ALDH1L1: variants seen among roughly 807,000 people sequenced by gnomAD.
ALDH1L1 encodes cytosolic 10-formyltetrahydrofolate dehydrogenase.
Under a neutral mutation model 101.1 loss-of-function variants are expected in ALDH1L1, and 68 were observed. That is an observed-to-expected ratio of 0.67 (90% CI 0.55 to 0.82). ALDH1L1 has a LOEUF of 0.82. Ranked by LOEUF, ALDH1L1 falls within the 40% of genes least tolerant of loss-of-function variation. ALDH1L1 has a pLI of 0.00. For synonymous variants in ALDH1L1, 486 were observed against 470.8 expected (o/e 1.03, Z -0.42); for missense variants, 1,087 against 1,172.7 (o/e 0.93, Z 1.07).
chr3:126,166,683 C>T (rs2081173987), intron 1 of ALDH1L1, among the ~76,000 whole-genome samples: 1 of 151,906 alleles, frequency 6.6e-6, no homozygotes, highest in Admixed American at 6.6e-5. Flanking sequence ...CCCAAAAATG[C>T]TAATAGTTAA....
chr3:126,166,041 G>A (rs752788053), intron 1 of ALDH1L1, among the ~76,000 whole-genome samples: 9 of 151,844 alleles, frequency 5.9e-5, no homozygotes, highest in East Asian at 1.9e-4. Context: ...CTATCTTCTC[G>A]ATGAAGCCAT....
intron 16 of ALDH1L1, among the ~76,000 whole-genome samples, chr3:126,120,675 G>T (rs955034364): frequency 3.9e-5 from 6 of 152,132 alleles, no homozygotes; most frequent in African/African-American, 1.4e-4. Flanking sequence ...TATTAGTAGT[G>T]GAGGGCTGTG....
At chr3:126,156,642 T>G (rs2080911557) in intron 4 of ALDH1L1, 1 of 152,276 alleles carries the variant, frequency 6.6e-6, no homozygotes, top group African/African-American at 2.4e-5. Context: ...CCACCCTGCC[T>G]CTCAGCAGTA....
intron 15 of ALDH1L1, among the ~76,000 whole-genome samples, 198 bp downstream of exon 15, chr3:126,125,418 T>A (rs763001943): frequency 7.2e-5 from 11 of 151,852 alleles, no homozygotes; most frequent in Non-Finnish European, 1.2e-4. Flanking sequence ...TGAAAAAGAG[T>A]CTGCTTTGGA....
chr3:126,131,436 C>A lies in ALDH1L1; in HGVS notation c.1571G>T (p.Gly524Val). The change falls in exon 13 of 23, where the codon GGC (glycine) becomes GTC (valine). Residue 524 changes from glycine to valine, a missense_variant. Around this residue, in one of 2 missense-constraint regions of ALDH1L1, gnomAD observed 442 missense variants for 535.7 expected, o/e 0.83. Coordinates refer to ENST00000393434, the MANE Select transcript of ALDH1L1 (RefSeq NM_012190.4). Reference protein sequence around the residue: ...VYTLALKTHVGMSIQTFRYFA... With the variant: ...VYTLALKTHVVMSIQTFRYFA... ...GTAGCGGAAGGTCTGGATGGACATG[C>A]CCACGTGGGTCTTCAGGGCCAGCGT... 3 of 1,613,278 alleles carry A rather than the reference C, an allele frequency of 1.9e-6. No individual in the cohort carries two copies. The highest frequency in any genetic ancestry group is 2.5e-6 in the Non-Finnish European group (3 of 1,179,306).
chr3:126,157,483 C>G lies in ALDH1L1; in HGVS notation c.388G>C (p.Gly130Arg). 6.2e-7 allele frequency: 1 copy of G among 1,614,036 alleles called. No individual in the cohort carries two copies. Among genetic ancestry groups the G allele is most frequent in the Non-Finnish European group, 8.5e-7 (1 of 1,179,992 alleles). ...TCCGCCCAGAAGATGGAAAACCCCC[C>G]TTTCTTATCTCCGTGAATGAGGGTC... ...NWTLIHGDKK[G>R]GFSIFWADDG... The change falls in exon 4 of 23, where the codon GGG becomes CGG. Residue 130 changes from glycine to arginine, a missense_variant. Gly to Arg is a moderately radical substitution (Grantham distance 125, BLOSUM62 -2). Around this residue, in one of 2 missense-constraint regions of ALDH1L1, gnomAD observed 645 missense variants for 637.0 expected, o/e 1.01. Transcript: ENST00000393434.
chr3:126,137,688 G>T, intron 10 of ALDH1L1, 125 bp downstream of exon 10: 1 of 1,359,582 alleles, frequency 7.4e-7, no homozygotes. Context: ...GTGGGAAACT[G>T]AAGGGTGGGC....
chr3:126,145,418 C>G (rs549822458), intron 9 of ALDH1L1, among the ~76,000 whole-genome samples: 1 of 152,296 alleles, frequency 6.6e-6, no homozygotes, highest in South Asian at 2.1e-4. Context: ...TTCACAACAG[C>G]CAAGATGTGG....
At chr3:126,162,593 C>G (rs1376678514) in intron 1 of ALDH1L1, among the ~76,000 whole-genome samples, 1 of 152,048 alleles carries the variant, frequency 6.6e-6, no homozygotes, top group South Asian at 2.1e-4. Flanking sequence ...ACTTTGAGCT[C>G]TTTGTCAGAT....
At chr3:126,185,230 A>ATCTAAC (rs2081507276), upstream of ALDH1L1, among the ~76,000 whole-genome samples, 1 of 152,178 alleles carries the variant, frequency 6.6e-6, no homozygotes. Flanking sequence ...CCCATGCCAA[A>ATCTAAC]TCTAACCTGG....
At chr3:126,118,783 C>T (rs1157784849) in intron 16 of ALDH1L1, among the ~76,000 whole-genome samples, 1 of 152,114 alleles carries the variant, frequency 6.6e-6, no homozygotes, top group African/African-American at 2.4e-5. Context: ...AAACACCCGC[C>T]CTCAGGTGAG....
chr3:126,191,420 G>A (rs908666673), intron 1 of ALDH1L1, among the ~76,000 whole-genome samples: 7 of 152,136 alleles, frequency 4.6e-5, no homozygotes, highest in Non-Finnish European at 7.3e-5. Context: ...TTTCCCTCAT[G>A]CCTGATTGCC....
chr3:126,129,060 T>A (rs1162162113), intron 14 of ALDH1L1: 5 of 152,376 alleles, frequency 3.3e-5, no homozygotes, highest in Admixed American at 2.0e-4. Context: ...TGTGGGGGGC[T>A]GTACTCTATC....
At chr3:126,182,672 G>A (rs2108349908), upstream of ALDH1L1, among the ~76,000 whole-genome samples, 1 of 152,256 alleles carries the variant, frequency 6.6e-6, no homozygotes, top group African/African-American at 2.4e-5. Flanking sequence ...AAATTGAGAA[G>A]GCAGATGGGC....
At chr3:126,185,091 G>A (rs906721823), upstream of ALDH1L1, among the ~76,000 whole-genome samples, 15 of 152,120 alleles carry the variant, frequency 9.9e-5, no homozygotes, top group African/African-American at 1.4e-4. Flanking sequence ...ATGTAGAGGC[G>A]AAGGTAGGGA....
At chr3:126,186,860 C>T (rs1186495841) in intron 1 of ALDH1L1, among the ~76,000 whole-genome samples, 1 of 152,184 alleles carries the variant, frequency 6.6e-6, no homozygotes, top group African/African-American at 2.4e-5. Flanking sequence ...TGTGAAGTAG[C>T]TGCAAAAGTG....
chr3:126,196,304 G>A (rs1003672716), intron 1 of ALDH1L1, among the ~76,000 whole-genome samples: 2 of 151,572 alleles, frequency 1.3e-5, no homozygotes, highest in African/African-American at 2.4e-5. Flanking sequence ...CATTTGGTCT[G>A]GTCTAAAGAA....
At chr3:126,140,856 A>C (rs2080554008) in intron 9 of ALDH1L1, among the ~76,000 whole-genome samples, 1 of 152,090 alleles carries the variant, frequency 6.6e-6, no homozygotes. Flanking sequence ...AAAAAAGGAC[A>C]GTATAGAGAA....
chr3:126,187,213 T>C (rs192444946), intron 1 of ALDH1L1, among the ~76,000 whole-genome samples: 22 of 151,876 alleles, frequency 1.4e-4, no homozygotes, highest in African/African-American at 5.1e-4. Flanking sequence ...AAGTTGAATG[T>C]ACAAGAAAGA....
Sources: allele counts gnomAD v4.1 joint callset (sites outside exome capture counted in the v4.1 genomes callset), GRCh38; gene constraint gnomAD v4.1.1; regional missense constraint gnomAD v4.1.1; transcripts MANE v1.5; gene names NCBI Gene and HGNC (gene_info 2026-07-23, HGNC 2026-07-21).